Variants in LINGO2 observed in about 807,000 individuals in gnomAD.
LINGO2 encodes the protein leucine rich repeat and Ig domain containing 2.
In LINGO2, 14 loss-of-function variants were observed where a neutral mutation model predicts 30.6. The observed-to-expected ratio is 0.46, with a 90% CI of 0.30 to 0.72. The LOEUF (loss-of-function observed/expected upper bound fraction) is 0.72. Ranked by LOEUF, LINGO2 falls within the 30% of genes least tolerant of loss-of-function variation. The pLI is 0.07. For synonymous variants in LINGO2, 317 were observed against 288.5 expected, an observed-to-expected ratio of 1.10 and a Z score of -1.00; for missense variants, 729 against 751.7, an observed-to-expected ratio of 0.97 and a Z score of 0.35.
At chr9:28,980,238 G>A in the LINGO2 span, among the ~76,000 whole-genome samples, 1 of 151,882 alleles carries the variant, frequency 6.6e-6, no homozygotes, top group Non-Finnish European at 1.5e-5. Flanking sequence ...ACCACATAGG[G>A]CCCAGCCAAC....
intron 4 of LINGO2, among the ~76,000 whole-genome samples, chr9:28,184,402 G>C (rs1486104760): frequency 6.6e-6 from 1 of 152,122 alleles, no homozygotes; most frequent in Non-Finnish European, 1.5e-5. Flanking sequence ...ATATTTTTCT[G>C]CTACCTTTTG....
chr9:29,096,077 A>G, the LINGO2 span, among the ~76,000 whole-genome samples: 2 of 138,588 alleles, frequency 1.4e-5, 1 homozygote, highest in Non-Finnish European at 3.1e-5. Context: ...CAATGATGTT[A>G]CTGTTGATAG....
At chr9:27,997,980 C>A (rs986765352) in intron 5 of LINGO2, among the ~76,000 whole-genome samples, 1 of 151,934 alleles carries the variant, frequency 6.6e-6, no homozygotes, top group East Asian at 1.9e-4. Flanking sequence ...GAGGTGGACA[C>A]CAGTCTGAAT....
At chr9:28,276,850 T>A (rs1212806098) in intron 4 of LINGO2, among the ~76,000 whole-genome samples, 1 of 152,230 alleles carries the variant, frequency 6.6e-6, no homozygotes, top group African/African-American at 2.4e-5. Flanking sequence ...TTTAGATGGA[T>A]GATATCTCGT....
chr9:28,567,501 T>C (rs1179503946), intron 1 of LINGO2, among the ~76,000 whole-genome samples: 1 of 152,108 alleles, frequency 6.6e-6, no homozygotes, highest in Admixed American at 6.6e-5. Context: ...TGCAGTAACA[T>C]GGATGGAGCT....
At chr9:28,959,328 TATA>T in the LINGO2 span, among the ~76,000 whole-genome samples, 1 of 151,960 alleles carries the variant, frequency 6.6e-6, no homozygotes, top group South Asian at 2.1e-4. Flanking sequence ...ATAAAGTAGA[TATA>T]ATAATTGGGA....
chr9:29,122,015 T>G, the LINGO2 span, among the ~76,000 whole-genome samples: 3,911 of 152,116 alleles, frequency 0.026, 157 homozygotes, highest in African/African-American at 0.088. Flanking sequence ...AATGGAAACT[T>G]AAGGGTAGAA....
chr9:28,547,583 T>G (rs1413621661), intron 1 of LINGO2, among the ~76,000 whole-genome samples: 1 of 152,168 alleles, frequency 6.6e-6, no homozygotes, highest in Non-Finnish European at 1.5e-5. Context: ...TATGTTATTT[T>G]CATTTGCCTT....
At chr9:28,138,215 C>G (rs1200122935) in intron 4 of LINGO2, among the ~76,000 whole-genome samples, 1 of 152,186 alleles carries the variant, frequency 6.6e-6, no homozygotes. Context: ...CAGACTCCCC[C>G]AAAGATTAAA....
intron 4 of LINGO2, among the ~76,000 whole-genome samples, chr9:28,075,346 C>T (rs1398976422): frequency 6.6e-6 from 1 of 151,786 alleles, no homozygotes; most frequent in Non-Finnish European, 1.5e-5. Context: ...ATTTATGTAT[C>T]CATACTATTG....
downstream of LINGO2, among the ~76,000 whole-genome samples, chr9:27,947,775 GAGA>G (rs201247753): frequency 8.5e-3 from 1,299 of 152,322 alleles, 9 homozygotes; most frequent in Non-Finnish European, 0.015. Flanking sequence ...GTTGGCATCT[GAGA>G]AGAACTCTTT....
chr9:28,815,848 C>G, the LINGO2 span, among the ~76,000 whole-genome samples: 1 of 152,182 alleles, frequency 6.6e-6, no homozygotes, highest in Non-Finnish European at 1.5e-5. Context: ...TAAATCCCCA[C>G]CTTAGTCTTG....
chr9:28,762,976 G>A, the LINGO2 span, among the ~76,000 whole-genome samples: 8 of 151,982 alleles, frequency 5.3e-5, no homozygotes, highest in African/African-American at 1.9e-4. Flanking sequence ...AGTTGTCAAC[G>A]GGTCTGACCT....
the LINGO2 span, among the ~76,000 whole-genome samples, chr9:29,207,658 A>T: frequency 6.6e-6 from 1 of 152,086 alleles, no homozygotes; most frequent in African/African-American, 2.4e-5. Context: ...CTAGGTTCCC[A>T]GGTTTGCATT....
chr9:28,907,054 A>G, the LINGO2 span, among the ~76,000 whole-genome samples: 2 of 151,976 alleles, frequency 1.3e-5, no homozygotes, highest in African/African-American at 4.8e-5. Context: ...ATTTTATTGC[A>G]ATCAACATCA....
At chr9:29,077,440 C>T in the LINGO2 span, among the ~76,000 whole-genome samples, 1 of 151,900 alleles carries the variant, frequency 6.6e-6, no homozygotes, top group Admixed American at 6.6e-5. Context: ...AGATCAGATA[C>T]AACCTACAAT....
chr9:28,326,291 C>T (rs1028073762), intron 3 of LINGO2, among the ~76,000 whole-genome samples: 1 of 152,214 alleles, frequency 6.6e-6, no homozygotes, highest in African/African-American at 2.4e-5. Flanking sequence ...AGGTGTGAAC[C>T]ACCACACCCG....
chr9:29,091,068 T>A, the LINGO2 span, among the ~76,000 whole-genome samples: 2 of 152,040 alleles, frequency 1.3e-5, no homozygotes, highest in African/African-American at 4.8e-5. Context: ...GAAATAAGAT[T>A]TTCATCTTTT....
At chr9:28,759,687 G>GA in the LINGO2 span, among the ~76,000 whole-genome samples, 1,789 of 127,520 alleles carry the variant, frequency 0.014, 41 homozygotes, top group African/African-American at 0.045. Flanking sequence ...GTCTCAAAAA[G>GA]AAAAAAAAAA....
Sources: gnomAD v4.1 joint callset for allele counts (sites outside exome capture counted in the v4.1 genomes callset) on GRCh38, gnomAD v4.1.1 for gene constraint, MANE v1.5 for transcripts, NCBI Gene and HGNC (gene_info 2026-07-23, HGNC 2026-07-21) for gene names.